The following HDAC9 variants were observed in gnomAD, a reference collection of about 807,000 sequenced individuals.
The protein encoded by HDAC9 is histone deacetylase 9.
A neutral mutation model predicts 139.4 loss-of-function variants in HDAC9; 41 were observed. That is an observed-to-expected ratio of 0.29 (90% CI 0.23 to 0.38). The LOEUF (loss-of-function observed/expected upper bound fraction) is 0.38. Ranked by LOEUF, HDAC9 falls within the 10% of genes least tolerant of loss-of-function variation. HDAC9 has a pLI of 1.00. For missense variants in HDAC9, 1,147 were observed against 1,297.0 expected, an observed-to-expected ratio of 0.88 and a Z score of 1.78; for synonymous variants, 517 against 476.2, an observed-to-expected ratio of 1.09 and a Z score of -1.12.
chr7:18,213,284 A>G (rs1792076947), intron 2 of HDAC9, among the ~76,000 whole-genome samples: 1 of 151,728 alleles, frequency 6.6e-6, no homozygotes, highest in Non-Finnish European at 1.5e-5. Flanking sequence ...AGTATTCATG[A>G]CCTCCCCCTC....
chr7:18,511,394 A>G (rs1268024840), intron 2 of HDAC9, among the ~76,000 whole-genome samples: 2 of 152,136 alleles, frequency 1.3e-5, no homozygotes, highest in South Asian at 2.1e-4. Flanking sequence ...TTATAACTCT[A>G]ACGTTAGAAA....
intron 19 of HDAC9, among the ~76,000 whole-genome samples, chr7:18,834,095 T>C (rs1324317179): frequency 6.6e-6 from 1 of 152,198 alleles, no homozygotes; most frequent in East Asian, 1.9e-4. Flanking sequence ...TAACTGAAAC[T>C]CTCTGAGCCT....
intron 1 of HDAC9, among the ~76,000 whole-genome samples, chr7:18,352,336 A>G (rs942868845): frequency 2.0e-5 from 3 of 152,204 alleles, no homozygotes; most frequent in Non-Finnish European, 4.4e-5. Flanking sequence ...CTGAGACAAT[A>G]TAATATTCTG....
At chr7:18,696,091 C>A (rs572780572) in intron 12 of HDAC9, among the ~76,000 whole-genome samples, 14 of 152,070 alleles carry the variant, frequency 9.2e-5, no homozygotes, top group African/African-American at 3.1e-4. Context: ...TGATAGAATG[C>A]TCTTGCTTTT....
At chr7:18,139,121 CTTTTTTT>C (rs552350047) in intron 1 of HDAC9, among the ~76,000 whole-genome samples, 2 of 105,926 alleles carry the variant, frequency 1.9e-5, no homozygotes, top group Admixed American at 1.0e-4. Flanking sequence ...ATAATCTGGA[CTTTTTTT>C]TTTTTTTTTT....
At chr7:18,888,657 G>C (rs1397794455) in intron 22 of HDAC9, among the ~76,000 whole-genome samples, 1 of 152,134 alleles carries the variant, frequency 6.6e-6, no homozygotes, top group Non-Finnish European at 1.5e-5. Context: ...GATCTAGCCA[G>C]ATTAAAACTA....
At chr7:18,599,988 A>G (rs1833526296) in intron 6 of HDAC9, among the ~76,000 whole-genome samples, 1 of 150,542 alleles carries the variant, frequency 6.6e-6, no homozygotes, top group Non-Finnish European at 1.5e-5. Context: ...TTTTTTTTTA[A>G]TTTTAGCCAT....
At chr7:18,458,365 G>T (rs1459238116) in intron 1 of HDAC9, among the ~76,000 whole-genome samples, 1 of 152,086 alleles carries the variant, frequency 6.6e-6, no homozygotes, top group Non-Finnish European at 1.5e-5. Context: ...GATAGAAAAT[G>T]GTTACTAGGA....
At chr7:18,299,814 A>G (rs1798414245) in intron 1 of HDAC9, among the ~76,000 whole-genome samples, 1 of 152,074 alleles carries the variant, frequency 6.6e-6, no homozygotes, top group Non-Finnish European at 1.5e-5. Context: ...AGCAGTGCGG[A>G]GAAAAGGCTA....
At chr7:18,880,267 A>G (rs2129254107) in intron 22 of HDAC9, among the ~76,000 whole-genome samples, 1 of 152,230 alleles carries the variant, frequency 6.6e-6, no homozygotes. Flanking sequence ...CAAAGAGCTA[A>G]AAGTACAACC....
At chr7:18,889,628 C>T (rs576593372) in intron 22 of HDAC9, among the ~76,000 whole-genome samples, 1 of 152,204 alleles carries the variant, frequency 6.6e-6, no homozygotes, top group South Asian at 2.1e-4. Flanking sequence ...CAGTACTTGG[C>T]AGTGGTTCAA....
intron 17 of HDAC9, among the ~76,000 whole-genome samples, chr7:18,798,352 C>CA (rs1462842971): frequency 6.6e-6 from 1 of 152,144 alleles, no homozygotes; most frequent in Non-Finnish European, 1.5e-5. Context: ...GGAAAGTAAT[C>CA]AAAGTCTTCC....
At chr7:18,788,829 A>C (rs1476281386) in intron 16 of HDAC9, among the ~76,000 whole-genome samples, 2 of 151,054 alleles carry the variant, frequency 1.3e-5, no homozygotes. Context: ...TACCTGAAAC[A>C]TTTTTCTCTC....
At chr7:18,328,981 C>T (rs1800688623) in intron 1 of HDAC9, among the ~76,000 whole-genome samples, 1 of 151,688 alleles carries the variant, frequency 6.6e-6, no homozygotes, top group Non-Finnish European at 1.5e-5. Context: ...AATCAGTCTC[C>T]TTACTCATTA....
chr7:18,087,040 C>T (rs1781836206), exon 1 of HDAC9: 1 of 151,798 alleles, frequency 6.6e-6, no homozygotes, highest in African/African-American at 2.4e-5. Flanking sequence ...GCCGGTAAAT[C>T]TCGGCTGGAG....
chr7:18,634,269 T>C (rs1783212282), intron 7 of HDAC9, among the ~76,000 whole-genome samples: 1 of 152,016 alleles, frequency 6.6e-6, no homozygotes. Flanking sequence ...ACAAGTTCAT[T>C]GTCTTCATTA....
chr7:18,125,500 T>G (rs983281834), intron 1 of HDAC9, among the ~76,000 whole-genome samples: 36 of 152,216 alleles, frequency 2.4e-4, no homozygotes, highest in African/African-American at 8.7e-4. Flanking sequence ...ATATATATGA[T>G]TTGTTTCTTA....
chr7:18,764,815 T>A (rs1789685723), intron 15 of HDAC9, among the ~76,000 whole-genome samples: 1 of 152,218 alleles, frequency 6.6e-6, no homozygotes, highest in Non-Finnish European at 1.5e-5. Context: ...AAATTAATGC[T>A]ATTTCCCTTG....
At chr7:18,297,329 G>A (rs1798216517) in intron 1 of HDAC9, among the ~76,000 whole-genome samples, 6 of 152,110 alleles carry the variant, frequency 3.9e-5, no homozygotes, top group Admixed American at 3.9e-4. Flanking sequence ...TATATGTTAT[G>A]GTAGGGGATT....
Sources: allele counts gnomAD v4.1 joint callset (sites outside exome capture counted in the v4.1 genomes callset), GRCh38; gene constraint gnomAD v4.1.1; transcripts MANE v1.5; gene names NCBI Gene and HGNC (gene_info 2026-07-23, HGNC 2026-07-21).